The following CHL1 variants were observed in gnomAD, a reference collection of about 807,000 sequenced individuals.
The protein encoded by CHL1 is cell adhesion molecule L1 like, also known as neural cell adhesion molecule L1-like protein.
CHL1 carries 96 observed loss-of-function variants against 141.9 expected under a neutral mutation model. The ratio of observed to expected loss-of-function variants is 0.68; its 90% CI spans 0.57 to 0.80. The LOEUF is 0.80. Ranked by LOEUF, CHL1 falls within the 30% of genes least tolerant of loss-of-function variation. The probability of loss-of-function intolerance (pLI) is 0.00; values close to 1 mark genes in which losing one functional copy is unlikely to be tolerated. For synonymous variants in CHL1, 613 were observed against 502.2 expected (o/e 1.22, Z -2.95); for missense variants, 1,820 against 1,457.2 (o/e 1.25, Z -4.05).
intron 1 of CHL1, among the ~76,000 whole-genome samples, chr3:231,343 A>G (rs1701831512): frequency 6.6e-6 from 1 of 151,852 alleles, no homozygotes; most frequent in African/African-American, 2.4e-5. Flanking sequence ...CACCCTCATC[A>G]TTACCACTGC....
Position 398,310 on chromosome 3 carries a change from A to G in CHL1, c.3178A>G (p.Ile1060Val), listed in dbSNP as rs376634743. Residue 1060 changes from isoleucine (I) to valine (V), a missense_variant, in exon 25 of 28, where the codon ATA becomes GTA. Transcript: ENST00000256509. ...IEVFEPGAEH[I>V]VRLMTKNWGD... ...GGTATTTGAGCCGGGAGCTGAACATATAGTTCGCCTAATGACTAAGAATTG... is the reference window on the plus strand; with the variant it reads ...GGTATTTGAGCCGGGAGCTGAACATGTAGTTCGCCTAATGACTAAGAATTG... The G allele has an allele frequency of 9.3e-6, 15 of 1,608,180 alleles. No homozygotes were observed. Among genetic ancestry groups the G allele is most frequent in the Non-Finnish European group, 1.2e-5 (14 of 1,174,786 alleles).
Position 259,407 on chromosome 3 carries a change from T to C in CHL1, c.-95+14715T>C, listed in dbSNP as rs191762030. On this transcript the variant is annotated intron_variant, in intron 2 of 27. Transcript: ENST00000256509. ...CGAACAGTTAAACATAAAGAGAAACTGGAAATTTGAAAATATATGAAGTGT... is the reference window on the plus strand; with the variant it reads ...CGAACAGTTAAACATAAAGAGAAACCGGAAATTTGAAAATATATGAAGTGT... Among the ~76,000 whole-genome samples, 123 of 152,018 alleles carry C rather than the reference T, an allele frequency of 8.1e-4. 3 individuals carry two copies. The South Asian group carries it at 0.021, about 26-fold the overall frequency.
At chr3:210,011 T>G (rs1699768759) in intron 1 of CHL1, among the ~76,000 whole-genome samples, 1 of 152,216 alleles carries the variant, frequency 6.6e-6, no homozygotes, top group Non-Finnish European at 1.5e-5. Flanking sequence ...TTTAATTGTG[T>G]ATGGGGAATT....
At chr3:246,920 A>C (rs1024657442) in intron 2 of CHL1, 5 of 152,130 alleles carry the variant, frequency 3.3e-5, no homozygotes, top group African/African-American at 1.2e-4. Flanking sequence ...GCAGAAGATC[A>C]TGATAAAACA....
At chr3:334,976 G>A (rs1021284317) in intron 5 of CHL1, among the ~76,000 whole-genome samples, 1 of 152,208 alleles carries the variant, frequency 6.6e-6, no homozygotes, top group African/African-American at 2.4e-5. Flanking sequence ...ATTTGCACAT[G>A]CTATTAAAAT....
intron 2 of CHL1, among the ~76,000 whole-genome samples, chr3:250,284 G>A (rs1693568719): frequency 6.6e-6 from 1 of 152,038 alleles, no homozygotes; most frequent in African/African-American, 2.4e-5. Flanking sequence ...ATTTTTACAT[G>A]CGGAGAGGAT....
intron 2 of CHL1, among the ~76,000 whole-genome samples, chr3:298,749 A>G (rs7619209): frequency 0.024 from 3,726 of 152,192 alleles, 142 homozygotes; most frequent in African/African-American, 0.085. Context: ...TGAGTGGTAG[A>G]CCTATTATTT....
chr3:303,938 G>C (rs1048767068), intron 2 of CHL1, among the ~76,000 whole-genome samples: 9 of 152,048 alleles, frequency 5.9e-5, no homozygotes, highest in African/African-American at 2.2e-4. Context: ...GCATGAAGGG[G>C]TGTTATATTT....
chr3:269,404 A>G (rs906868366), intron 2 of CHL1, among the ~76,000 whole-genome samples: 3 of 152,190 alleles, frequency 2.0e-5, no homozygotes, highest in Non-Finnish European at 2.9e-5. Context: ...TTCTGTGCCA[A>G]TGTTGGGCAG....
chr3:301,177 C>A (rs977648069), intron 2 of CHL1, among the ~76,000 whole-genome samples: 2 of 152,118 alleles, frequency 1.3e-5, no homozygotes, highest in African/African-American at 4.8e-5. Flanking sequence ...GGGATTCAGA[C>A]CCCAGAGTGT....
intron 3 of CHL1, among the ~76,000 whole-genome samples, chr3:323,546 A>C (rs533243099): frequency 6.6e-6 from 1 of 152,280 alleles, no homozygotes; most frequent in East Asian, 1.9e-4. Context: ...ATTTCAATGA[A>C]TGTTTAAAAA....
intron 1 of CHL1, among the ~76,000 whole-genome samples, chr3:204,357 T>A (rs780817968): frequency 6.6e-6 from 1 of 152,256 alleles, no homozygotes; most frequent in Non-Finnish European, 1.5e-5. Context: ...CTGAAACTCA[T>A]GTAACCTGGA....
chr3:371,307 T>G (rs1705593212), intron 15 of CHL1, among the ~76,000 whole-genome samples: 1 of 152,188 alleles, frequency 6.6e-6, no homozygotes, highest in Non-Finnish European at 1.5e-5. Context: ...GATGCATATA[T>G]ATTTAGAATA....
At chr3:391,826 T>G in intron 23 of CHL1, 29 bp downstream of exon 23, 1 of 1,536,976 alleles carries the variant, frequency 6.5e-7, no homozygotes, top group South Asian at 1.2e-5. Flanking sequence ...TGGAGTTAAC[T>G]TGTTAATGTT....
rs755229379 is a variant in CHL1 at position 398,286 on chromosome 3, G to C, written c.3154G>C (p.Val1052Leu). The change falls in exon 25 of 28, where the codon GTA (valine) becomes CTA (leucine). Residue 1052 changes from valine to leucine, a missense_variant. Val to Leu is a conservative substitution (Grantham distance 32). Coordinates refer to ENST00000256509, the MANE Select transcript of CHL1 (RefSeq NM_006614.4). ...TACTCAAAAGACTCACCCAATAGAG[G>C]TATTTGAGCCGGGAGCTGAACATAT... ...NLTQKTHPIE[V>L]FEPGAEHIVR... The C allele has an allele frequency of 5.0e-6, 8 of 1,607,240 alleles. No individual in the cohort carries two copies. The highest frequency in any genetic ancestry group is 6.8e-6 in the Non-Finnish European group (8 of 1,174,100).
intron 7 of CHL1, 42 bp from the exon 8 acceptor site, chr3:342,942 A>G (rs763350365): frequency 2.0e-6 from 3 of 1,507,490 alleles, no homozygotes; most frequent in Non-Finnish European, 1.8e-6. Context: ...ATCAGCATCC[A>G]CCATTATGTT....
chr3:376,762 C>T (rs1706378419), intron 15 of CHL1, among the ~76,000 whole-genome samples: 1 of 152,280 alleles, frequency 6.6e-6, no homozygotes. Context: ...ACCTGAGTAA[C>T]ATGACCTGAC....
At chr3:283,800 T>C (rs772261780) in intron 2 of CHL1, among the ~76,000 whole-genome samples, 2 of 152,154 alleles carry the variant, frequency 1.3e-5, no homozygotes, top group Non-Finnish European at 2.9e-5. Flanking sequence ...TGTCTTCAGA[T>C]AACATAAAAA....
intron 9 of CHL1, among the ~76,000 whole-genome samples, chr3:347,728 G>C (rs113033054): frequency 2.0e-5 from 3 of 152,282 alleles, no homozygotes; most frequent in African/African-American, 7.2e-5. Context: ...CAGCAGTTAG[G>C]AGACTTGAGC....
Sources: allele counts gnomAD v4.1 joint callset (sites outside exome capture counted in the v4.1 genomes callset), GRCh38; gene constraint gnomAD v4.1.1; transcripts MANE v1.5; gene names NCBI Gene and HGNC (gene_info 2026-07-23, HGNC 2026-07-21).